Variants in KCNMB2 observed in about 807,000 individuals in gnomAD.
KCNMB2 encodes the protein calcium-activated potassium channel subunit beta-2.
KCNMB2 carries 9 observed loss-of-function variants against 24.5 expected under a neutral mutation model. The observed-to-expected ratio is 0.37, with a 90% confidence interval of 0.22 to 0.64. The LOEUF (loss-of-function observed/expected upper bound fraction) is 0.64. Ranked by LOEUF, KCNMB2 falls within the 30% of genes least tolerant of loss-of-function variation. The probability of loss-of-function intolerance (pLI) is 0.63; values close to 1 mark genes in which losing one functional copy is unlikely to be tolerated. For synonymous variants in KCNMB2, 109 were observed against 104.4 expected, an observed-to-expected ratio of 1.04 and a Z score of -0.27; for missense variants, 226 against 284.3, an observed-to-expected ratio of 0.79 and a Z score of 1.47.
At chr3:178,596,243 A>G (rs560911148) in intron 1 of KCNMB2, among the ~76,000 whole-genome samples, 9 of 152,248 alleles carry the variant, frequency 5.9e-5, no homozygotes, top group East Asian at 3.9e-4. Context: ...TCTATTTTCA[A>G]TTTCAATAAC....
intron 2 of KCNMB2, among the ~76,000 whole-genome samples, chr3:178,823,844 G>A (rs1180624726): frequency 6.6e-6 from 1 of 152,066 alleles, no homozygotes; most frequent in African/African-American, 2.4e-5. Flanking sequence ...CAACAAGAGC[G>A]ATTAGCCATA....
chr3:178,746,978 C>T (rs1000871824), intron 1 of KCNMB2: 1 of 152,780 alleles, frequency 6.5e-6, no homozygotes, highest in African/African-American at 2.4e-5. Context: ...CCAAACTGTT[C>T]CAACCTCTGC....
At chr3:178,687,588 A>C (rs1306199968) in intron 1 of KCNMB2, among the ~76,000 whole-genome samples, 3 of 152,234 alleles carry the variant, frequency 2.0e-5, no homozygotes, top group African/African-American at 4.8e-5. Context: ...GGTAGGGCAG[A>C]GACAGAGTTT....
intron 1 of KCNMB2, among the ~76,000 whole-genome samples, chr3:178,778,302 T>C (rs373221622): frequency 6.6e-6 from 1 of 152,082 alleles, no homozygotes; most frequent in African/African-American, 2.4e-5. Context: ...ATTCCTACTA[T>C]GTACCAATAA....
intron 4 of KCNMB2, among the ~76,000 whole-genome samples, chr3:178,830,244 T>C (rs146739776): frequency 2.4e-4 from 36 of 152,336 alleles, no homozygotes; most frequent in South Asian, 1.0e-3. Flanking sequence ...TCTGGTTTTC[T>C]TCACATAGCG....
chr3:178,625,743 T>A lies in KCNMB2; in HGVS notation c.-68+89032T>A, dbSNP rs1719093857. ...AGTCATTAAACTTTTCTGAACCTGT[T>A]TTCAACTCCTCAAAATGGACTATCA... On this transcript the variant is annotated intron_variant, in intron 1 of 4. Transcript: ENST00000452583. Among the ~76,000 whole-genome samples the A allele has an allele frequency of 2.6e-5, 4 of 152,322 alleles. No homozygotes were observed. In the South Asian group the frequency reaches 8.3e-4, roughly 32 times the overall value.
chr3:178,552,730 A>G (rs1715997643), intron 1 of KCNMB2, among the ~76,000 whole-genome samples: 1 of 152,154 alleles, frequency 6.6e-6, no homozygotes, highest in African/African-American at 2.4e-5. Context: ...GCTTTTCTCT[A>G]AATTATAGGA....
intron 1 of KCNMB2, among the ~76,000 whole-genome samples, chr3:178,675,505 C>A (rs1049746812): frequency 2.0e-5 from 3 of 151,852 alleles, no homozygotes; most frequent in Non-Finnish European, 4.4e-5. Context: ...GGACTCAGGG[C>A]AAAACCTGAT....
At chr3:178,771,222 T>A (rs150933100) in intron 1 of KCNMB2, among the ~76,000 whole-genome samples, 12 of 152,060 alleles carry the variant, frequency 7.9e-5, no homozygotes, top group Non-Finnish European at 4.4e-5. Flanking sequence ...CACAAGCCCA[T>A]CATCTCTGTC....
chr3:178,624,394 T>C (rs1577056611), intron 1 of KCNMB2, among the ~76,000 whole-genome samples: 1 of 152,090 alleles, frequency 6.6e-6, no homozygotes, highest in African/African-American at 2.4e-5. Context: ...TACTAAGATG[T>C]CTATACTAAA....
At position 178,758,275 on chromosome 3, in the gene KCNMB2, T is replaced by C. The variant is rs1315344969; in HGVS notation, c.-67-49068T>C. On this transcript the variant is annotated intron_variant, in intron 1 of 4. Coordinates refer to ENST00000452583, the MANE Select transcript of KCNMB2 (RefSeq NM_181361.3). ...ATATATCTCCAAGGGGATATATATA[T>C]ATATATCTCCAAGGGGATATATATA... 7.3e-3 allele frequency among the ~76,000 whole-genome samples: 166 copies of C among 22,786 alleles called. 21 individuals are homozygous for C. The highest frequency in any genetic ancestry group is 9.8e-3 in the Non-Finnish European group (149 of 15,170). The allele number at this position is 22,786 out of a possible 152,430, so 14.9% of individuals were successfully genotyped here.
At chr3:178,664,027 G>A (rs879499290) in intron 1 of KCNMB2, among the ~76,000 whole-genome samples, 11 of 152,152 alleles carry the variant, frequency 7.2e-5, no homozygotes, top group African/African-American at 2.4e-4. Context: ...AGAAAGAGTC[G>A]GGGTGTTCAA....
At chr3:178,582,475 A>AT (rs1717251673) in intron 1 of KCNMB2, among the ~76,000 whole-genome samples, 1 of 152,168 alleles carries the variant, frequency 6.6e-6, no homozygotes, top group Non-Finnish European at 1.5e-5. Flanking sequence ...AAACATGCAC[A>AT]TTCTGCAAAT....
At chr3:178,771,588 C>A (rs1712366393) in intron 1 of KCNMB2, among the ~76,000 whole-genome samples, 1 of 150,782 alleles carries the variant, frequency 6.6e-6, no homozygotes, top group East Asian at 1.9e-4. Flanking sequence ...CTCCAGCAAC[C>A]CTCCCAATCT....
chr3:178,750,689 G>A lies in KCNMB2; in HGVS notation c.-67-56654G>A, dbSNP rs140421228. 3.3e-5 allele frequency among the ~76,000 whole-genome samples: 5 copies of A among 152,360 alleles called. No homozygotes were observed. In the East Asian group the frequency reaches 7.7e-4, roughly 24 times the overall value. On this transcript the variant is annotated intron_variant, in intron 1 of 4. Coordinates refer to ENST00000452583, the MANE Select transcript of KCNMB2 (RefSeq NM_181361.3). ...TTGCACCCGCATGGGCACAGAGTCAGTTTTCCCAACAAAAGTCCTGATTTG... is the reference window on the plus strand; with the variant it reads ...TTGCACCCGCATGGGCACAGAGTCAATTTTCCCAACAAAAGTCCTGATTTG...
At chr3:178,761,564 T>G (rs1711877602) in intron 1 of KCNMB2, among the ~76,000 whole-genome samples, 1 of 152,176 alleles carries the variant, frequency 6.6e-6, no homozygotes, top group African/African-American at 2.4e-5. Context: ...GCTTGTCATT[T>G]TGCCTTTTCG....
At chr3:178,599,551 C>T (rs1461940841) in intron 1 of KCNMB2, among the ~76,000 whole-genome samples, 2 of 152,206 alleles carry the variant, frequency 1.3e-5, no homozygotes, top group Non-Finnish European at 2.9e-5. Flanking sequence ...CACACTCATC[C>T]TTACACATGA....
At chr3:178,640,817 G>T (rs1719697281) in intron 1 of KCNMB2, among the ~76,000 whole-genome samples, 1 of 152,094 alleles carries the variant, frequency 6.6e-6, no homozygotes, top group Non-Finnish European at 1.5e-5. Flanking sequence ...TAGAAGTTTT[G>T]TAGTTTTGCA....
At chr3:178,704,167 TA>T (rs1182620287) in intron 1 of KCNMB2, among the ~76,000 whole-genome samples, 1 of 152,084 alleles carries the variant, frequency 6.6e-6, no homozygotes, top group Non-Finnish European at 1.5e-5. Context: ...AGTGTCATTG[TA>T]AAAATTGACA....
Sources: allele counts gnomAD v4.1 joint callset (sites outside exome capture counted in the v4.1 genomes callset), GRCh38; gene constraint gnomAD v4.1.1; transcripts MANE v1.5; gene names NCBI Gene and HGNC (gene_info 2026-07-23, HGNC 2026-07-21).